NXN: variants seen among roughly 807,000 people sequenced by gnomAD.
The protein encoded by NXN is nucleoredoxin.
Under a neutral mutation model 48.6 loss-of-function variants are expected in NXN, and 16 were observed. That is an observed-to-expected ratio of 0.33 (90% CI 0.22 to 0.50). The LOEUF (loss-of-function observed/expected upper bound fraction) is 0.50, where lower values mean the gene tolerates loss of function less well. Among genes scored for constraint, NXN ranks in the 20% least tolerant of loss-of-function variants. NXN has a pLI of 0.98. For missense variants in NXN, 492 were observed against 605.5 expected (o/e 0.81, Z 1.97); for synonymous variants, 281 against 269.6 (o/e 1.04, Z -0.41).
chr17:967,373 G>A (rs575822761), intron 1 of NXN, among the ~76,000 whole-genome samples: 20 of 152,324 alleles, frequency 1.3e-4, no homozygotes, highest in African/African-American at 4.3e-4. Context: ...AGAGACAGGC[G>A]GGGCGGGGAG....
intron 1 of NXN, among the ~76,000 whole-genome samples, chr17:898,926 G>T (rs1302392429): frequency 1.4e-5 from 1 of 70,584 alleles, no homozygotes; most frequent in Non-Finnish European, 4.3e-5. Flanking sequence ...AGGAAGGACA[G>T]GGCTGGGATT....
intron 1 of NXN, among the ~76,000 whole-genome samples, chr17:895,537 G>A (rs958110584): frequency 2.6e-5 from 4 of 151,844 alleles, no homozygotes; most frequent in African/African-American, 7.2e-5. Context: ...ATGTGGCCGG[G>A]CGCAGTGGCT....
chr17:906,047 T>C (rs1021973759), intron 1 of NXN, among the ~76,000 whole-genome samples: 2 of 151,600 alleles, frequency 1.3e-5, no homozygotes, highest in African/African-American at 4.8e-5. Context: ...ACCCAATACA[T>C]CTGAAACATG....
At chr17:890,411 T>C (rs2068403366) in intron 1 of NXN, among the ~76,000 whole-genome samples, 1 of 152,174 alleles carries the variant, frequency 6.6e-6, no homozygotes, top group Non-Finnish European at 1.5e-5. Flanking sequence ...TCTCACTCTG[T>C]CGCCCAGGCT....
intron 6 of NXN, 46 bp downstream of exon 6, chr17:805,022 C>A (rs1015367152): frequency 3.1e-5 from 47 of 1,520,112 alleles, no homozygotes; most frequent in Non-Finnish European, 4.0e-5. Flanking sequence ...CCCTCCTGTC[C>A]CGCCCCCCAG....
chr17:901,795 G>GTT (rs1351184343), intron 1 of NXN, among the ~76,000 whole-genome samples: 10 of 152,144 alleles, frequency 6.6e-5, no homozygotes, highest in Non-Finnish European at 1.3e-4. Context: ...TGCCTACTGG[G>GTT]TTTAAGTCAT....
intron 1 of NXN, among the ~76,000 whole-genome samples, chr17:955,865 G>A (rs892696286): frequency 4.6e-5 from 7 of 150,956 alleles, no homozygotes; most frequent in Non-Finnish European, 5.9e-5. Context: ...TTGTGCCACT[G>A]CACTCCAGCC....
chr17:854,562 G>C (rs1014934642), intron 1 of NXN, among the ~76,000 whole-genome samples: 6 of 151,794 alleles, frequency 4.0e-5, no homozygotes, highest in African/African-American at 1.5e-4. Context: ...GGCTGAGGCA[G>C]GAGAATGGCA....
At chr17:967,048 C>A in intron 1 of NXN, among the ~76,000 whole-genome samples, 1 of 152,176 alleles carries the variant, frequency 6.6e-6, no homozygotes, top group Non-Finnish European at 1.5e-5. Flanking sequence ...CACACAGAGA[C>A]GGTGACCGTA....
intron 1 of NXN, among the ~76,000 whole-genome samples, chr17:934,598 G>A (rs754210262): frequency 6.6e-6 from 1 of 152,056 alleles, no homozygotes; most frequent in Non-Finnish European, 1.5e-5. Context: ...TCTCGGCCAG[G>A]CACAGTGGCT....
intron 1 of NXN, among the ~76,000 whole-genome samples, chr17:881,912 T>C (rs1567846858): frequency 1.3e-5 from 2 of 151,964 alleles, no homozygotes; most frequent in Non-Finnish European, 1.5e-5. Flanking sequence ...AAAACTAAAT[T>C]ACAGTGACAG....
At chr17:845,433 G>A (rs1029166838) in intron 1 of NXN, among the ~76,000 whole-genome samples, 2 of 149,992 alleles carry the variant, frequency 1.3e-5, no homozygotes, top group Admixed American at 6.6e-5. Flanking sequence ...GAATCCTACC[G>A]TCATCACCTT....
chr17:944,548 T>C lies in NXN; in HGVS notation c.360+34771A>G, dbSNP rs150730927. Among the ~76,000 whole-genome samples, 199 of 152,306 alleles carry C rather than the reference T, an allele frequency of 1.3e-3. 1 individual carries two copies. Among genetic ancestry groups the C allele is most frequent in the African/African-American group, 4.5e-3 (187 of 41,562 alleles). ...GGGGCAAATGTAAGGTAGATTCTGT[T>C]TGTTTATTTGTGGCAAATAGCTCTG... On this transcript the variant is annotated intron_variant, in intron 1 of 7. Transcript: ENST00000336868.
Position 956,499 on chromosome 17 carries a change from C to T in NXN, c.360+22820G>A, listed in dbSNP as rs1477797007. On this transcript the variant is annotated intron_variant, in intron 1 of 7. Transcript: ENST00000336868. This position sits in a 1 kb window ranked among gnomAD's most constrained non-coding sequence, Gnocchi z 4.1. ...CACAACCTCAGCTCACTGCAACCTC[C>T]ACCTCCCGGGTTCCCGCCATTCTCC... Among the ~76,000 whole-genome samples the T allele has an allele frequency of 6.6e-6, 1 of 152,152 alleles. No individual in the cohort carries two copies.
chr17:886,230 A>G (rs2068345958), intron 1 of NXN, among the ~76,000 whole-genome samples: 1 of 152,030 alleles, frequency 6.6e-6, no homozygotes, highest in South Asian at 2.1e-4. Context: ...AAAACTACGC[A>G]AGGCCATGTT....
At chr17:803,857 G>C in intron 6 of NXN, 51 bp from the exon 7 acceptor site, 4 of 1,607,416 alleles carry the variant, frequency 2.5e-6, no homozygotes, top group Non-Finnish European at 3.4e-6. Context: ...GCACTGGCTT[G>C]TCAAACAGAG....
rs2144561803 is a variant in NXN at position 803,568 on chromosome 17, G to A, written c.1125+114C>T. 4 of 1,333,914 alleles carry A rather than the reference G, an allele frequency of 3.0e-6. No individual in the cohort carries two copies. The South Asian group carries it at 5.2e-5, about 17-fold the overall frequency. The allele number at this position is 1,333,914 out of a possible 1,614,324, so 82.6% of individuals were successfully genotyped here. A position where few individuals can be genotyped will look rare whatever the true frequency, so the allele number is the denominator to read the frequency against. On this transcript the variant is annotated intron_variant, in intron 7 of 7. Transcript: ENST00000336868. ...CATTTGTCTGTGGGCTCTCTCAGAA[G>A]CACAGGCAGCCCTGACCCTGGGGTC...
chr17:921,351 C>A (rs1418670396), intron 1 of NXN, among the ~76,000 whole-genome samples: 1 of 152,180 alleles, frequency 6.6e-6, no homozygotes, highest in Non-Finnish European at 1.5e-5. Flanking sequence ...CACAAGCCGG[C>A]TCTCAGCGGG....
intron 1 of NXN, among the ~76,000 whole-genome samples, chr17:853,873 G>A (rs971404670): frequency 6.6e-5 from 10 of 151,680 alleles, no homozygotes; most frequent in Admixed American, 2.0e-4. Flanking sequence ...ACAGGCACCC[G>A]CCACCACACG....
Sources: gnomAD v4.1 joint callset for allele counts (sites outside exome capture counted in the v4.1 genomes callset) on GRCh38, gnomAD v4.1.1 for gene constraint, Gnocchi (gnomAD v3.1) non-coding constraint, MANE v1.5 for transcripts, NCBI Gene and HGNC (gene_info 2026-07-23, HGNC 2026-07-21) for gene names.